Variants in ETV4 observed in about 807,000 individuals in gnomAD.
The protein encoded by ETV4 is ETS translocation variant 4.
A neutral mutation model predicts 65.9 loss-of-function variants in ETV4; 42 were observed. The observed-to-expected ratio is 0.64, with a 90% CI of 0.50 to 0.82. ETV4 has a LOEUF of 0.82. Ranked by LOEUF, ETV4 falls within the 40% of genes least tolerant of loss-of-function variation. The probability of loss-of-function intolerance (pLI) is 0.00; values close to 1 mark genes in which losing one functional copy is unlikely to be tolerated. For missense variants in ETV4, 583 were observed against 630.3 expected (o/e 0.92, Z 0.80); for synonymous variants, 238 against 260.0 (o/e 0.92, Z 0.81).
intron 4 of ETV4, among the ~76,000 whole-genome samples, chr17:43,540,966 A>G (rs988442157): frequency 6.6e-6 from 1 of 152,084 alleles, no homozygotes; most frequent in Non-Finnish European, 1.5e-5. Context: ...GGCTGGGGGT[A>G]TCTCTTGCTG....
Position 43,539,789 on chromosome 17 carries a change from CAG to C in ETV4, c.203-3312_203-3311del, listed in dbSNP as rs750245188. Among the ~76,000 whole-genome samples, 23 of 152,316 alleles carry C rather than the reference CAG, an allele frequency of 1.5e-4. 1 individual carries two copies. Among genetic ancestry groups the C allele is most frequent in the South Asian group, 4.1e-4 (2 of 4,830 alleles). On this transcript the variant is annotated intron_variant, in intron 4 of 12. Transcript: ENST00000319349. The stretch of plus-strand genomic sequence containing the variant: ...GTCCTCTCCAGGAAAGCACATCTCA[CAG>C]GGGATATTTTAGGTTGTGATATGTT...
chr17:43,536,085 T>A lies in ETV4; in HGVS notation c.256+341A>T, dbSNP rs565742962. Reference sequence around the variant, plus strand: ...GAGATTGTGCCACTGCACTCCAGCCTGGGTGACAGAGCAAGACTCTGTCTT... The same window carrying A: ...GAGATTGTGCCACTGCACTCCAGCCAGGGTGACAGAGCAAGACTCTGTCTT... On this transcript the variant is annotated intron_variant, in intron 5 of 12. Transcript: ENST00000319349. Among the ~76,000 whole-genome samples the A allele has an allele frequency of 2.0e-5, 3 of 152,072 alleles. No individual in the cohort carries two copies. In the South Asian group the frequency reaches 6.2e-4, roughly 32 times the overall value.
At chr17:43,532,589 C>A in intron 8 of ETV4, 85 bp downstream of exon 8, 2 of 1,259,660 alleles carry the variant, frequency 1.6e-6, no homozygotes, top group Non-Finnish European at 1.1e-6. Context: ...AAATGGTAAA[C>A]AGCAATGTAA....
rs1009668412 is a variant in ETV4, at chr17:43,529,572, G to A, written c.1060C>T (p.Pro354Ser). ...CAGGCAATGAAATGGGCATTTGTTG[G>A]GTCATCCAGCAAGGCCACCAGAAAT... is the stretch of plus-strand genomic sequence containing the variant. ...WQFLVALLDD[P>S]TNAHFIAWTG... Residue 354 changes from proline to serine, a missense_variant, in exon 11 of 13, where the codon CCA becomes TCA. Pro to Ser is a moderately conservative substitution (Grantham distance 74). Transcript: ENST00000319349. 5 of 1,613,930 alleles carry A rather than the reference G, an allele frequency of 3.1e-6. No homozygotes were observed. In the African/African-American group the frequency reaches 5.3e-5, roughly 17 times the overall value.
chr17:43,545,180 G>T, intron 3 of ETV4, 94 bp downstream of exon 3: 1 of 1,227,478 alleles, frequency 8.1e-7, no homozygotes, highest in Non-Finnish European at 1.2e-6. Context: ...ACAGGCGGGG[G>T]TTCCAGAATC....
At chr17:43,530,339 G>C in intron 8 of ETV4, 158 bp from the exon 9 acceptor site, 1 of 1,478,402 alleles carries the variant, frequency 6.8e-7, no homozygotes, top group Non-Finnish European at 9.0e-7. Context: ...AAAATCCCAG[G>C]GAAAGTTCAC....
rs1251092202 is a variant in ETV4 at position 43,534,578 on chromosome 17, C to T, written c.257-593G>A. Among the ~76,000 whole-genome samples, 4 of 152,198 alleles carry T rather than the reference C, an allele frequency of 2.6e-5. No homozygotes were observed. In the East Asian group the frequency reaches 7.7e-4, roughly 29 times the overall value. ...AGGAGTGAGCACCTCCAACCTAGGG[C>T]CTGTAGTTTTCCTGAGTGCCCTGGA... On this transcript the variant is annotated intron_variant, in intron 5 of 12. Transcript: ENST00000319349.
At chr17:43,543,651 A>G (rs1270645254) in intron 4 of ETV4, among the ~76,000 whole-genome samples, 1 of 152,106 alleles carries the variant, frequency 6.6e-6, no homozygotes, top group Non-Finnish European at 1.5e-5. Flanking sequence ...ACCTCAGAAG[A>G]AGGATGGGGA....
Position 43,529,760 on chromosome 17 carries a change from A to C in ETV4, c.956-84T>G, listed in dbSNP as rs1053732275. 2.7e-5 allele frequency: 43 copies of C among 1,591,380 alleles called. No individual in the cohort carries two copies. The African/African-American group carries it at 5.8e-4, about 21-fold the overall frequency. On this transcript the variant is annotated intron_variant, in intron 10 of 12. Coordinates refer to ENST00000319349, the MANE Select transcript of ETV4 (RefSeq NM_001079675.5). ...GCCTCCCACCCGAGGGATTTCTCGA[A>C]GGGGTCTCCCCAGGTACTTTTCTAT...
At chr17:43,538,738 A>T (rs776297817) in intron 4 of ETV4, among the ~76,000 whole-genome samples, 23 of 152,136 alleles carry the variant, frequency 1.5e-4, no homozygotes, top group Non-Finnish European at 4.4e-5. Context: ...GAACTTCCTG[A>T]TATTATTCCA....
At chr17:43,543,147 A>G (rs1247852843) in intron 4 of ETV4, among the ~76,000 whole-genome samples, 1 of 151,776 alleles carries the variant, frequency 6.6e-6, no homozygotes, top group Non-Finnish European at 1.5e-5. Flanking sequence ...GCTCCCTCAG[A>G]AGGAAGGAGA....
rs756196368 is a variant in ETV4 at position 43,533,297 on chromosome 17, G to A, written c.435C>T (p.Ala145=). The A allele has an allele frequency of 1.9e-6, 3 of 1,613,836 alleles. No individual in the cohort carries two copies. The South Asian group carries it at 3.3e-5, about 18-fold the overall frequency. The change falls in exon 7 of 13, where the codon GCC becomes GCT. Residue 145 remains alanine (A), a synonymous_variant. Coordinates refer to ENST00000319349, the MANE Select transcript of ETV4 (RefSeq NM_001079675.5). Reference sequence around the variant, plus strand: ...AGGGCTGTAGGGGCGACTGTCCAAGGGCACCAGGGGCAGGGGACTTGATGG... The same window carrying A: ...AGGGCTGTAGGGGCGACTGTCCAAGAGCACCAGGGGCAGGGGACTTGATGG... The part of the protein sequence containing the change: ...QIAIKSPAPG[A]LGQSPLQPFP...
At chr17:43,545,492 G>T in intron 2 of ETV4, 66 bp downstream of exon 2, 1 of 1,483,334 alleles carries the variant, frequency 6.7e-7, no homozygotes, top group Non-Finnish European at 9.2e-7. Flanking sequence ...GCGGGGAGGG[G>T]GGCTGTGGTG....
intron 5 of ETV4, 132 bp from the exon 6 acceptor site, chr17:43,534,117 T>C (rs539931555): frequency 1.0e-6 from 1 of 973,726 alleles, no homozygotes; most frequent in African/African-American, 1.7e-5. Flanking sequence ...TGGGTATCAA[T>C]TTTCTGAGAC....
At chr17:43,530,500 G>C in intron 8 of ETV4, 1 of 1,198,874 alleles carries the variant, frequency 8.3e-7, no homozygotes, top group Non-Finnish European at 1.1e-6. Flanking sequence ...GAGGAGGGAG[G>C]GTGAGATGAA....
chr17:43,540,974 C>T (rs969162053), intron 4 of ETV4, among the ~76,000 whole-genome samples: 3 of 152,172 alleles, frequency 2.0e-5, no homozygotes, highest in Non-Finnish European at 2.9e-5. Flanking sequence ...GTATCTCTTG[C>T]TGGCGTCACT....
chr17:43,542,756 TC>T (rs1340402955), intron 4 of ETV4, among the ~76,000 whole-genome samples: 1 of 152,078 alleles, frequency 6.6e-6, no homozygotes, highest in African/African-American at 2.4e-5. Context: ...AACCTGTGCC[TC>T]CTCCAAATGC....
In ETV4 at chr17:43,545,488, A is replaced by AG; in HGVS notation, c.60+69dup. 6 of 664,970 alleles carry AG rather than the reference A, an allele frequency of 9.0e-6. No individual in the cohort carries two copies. In the Middle Eastern group the frequency reaches 1.6e-3, roughly 178 times the overall value. The allele number at this position is 664,970 out of a possible 1,614,324, so 41.2% of individuals were successfully genotyped here. A position where few individuals can be genotyped will look rare whatever the true frequency, so the allele number is the denominator to read the frequency against. The stretch of plus-strand genomic sequence containing the variant: ...CCAGGACTCCGCTGGGACTGCGGGG[A>AG]GGGGGGCTGTGGTGAGAGTAGGGGC... On this transcript the variant is annotated intron_variant, in intron 2 of 12. Coordinates refer to ENST00000319349, the MANE Select transcript of ETV4 (RefSeq NM_001079675.5).
At chr17:43,534,795 G>T (rs549624275) in intron 5 of ETV4, among the ~76,000 whole-genome samples, 40 of 152,206 alleles carry the variant, frequency 2.6e-4, no homozygotes, top group African/African-American at 8.4e-4. Context: ...AAAAAAATTA[G>T]CCGGGCGTGG....
Sources: gnomAD v4.1 joint callset for allele counts (sites outside exome capture counted in the v4.1 genomes callset) on GRCh38, gnomAD v4.1.1 for gene constraint, MANE v1.5 for transcripts, NCBI Gene and HGNC (gene_info 2026-07-23, HGNC 2026-07-21) for gene names.